The following NELFA variants were observed in gnomAD, a reference collection of about 807,000 sequenced individuals.
NELFA encodes the protein negative elongation factor A.
NELFA carries 35 observed loss-of-function variants against 51.8 expected under a neutral mutation model. The ratio of observed to expected loss-of-function variants is 0.68; its 90% CI spans 0.52 to 0.90. The LOEUF (loss-of-function observed/expected upper bound fraction) is 0.90. Ranked by LOEUF, NELFA falls within the 40% of genes least tolerant of loss-of-function variation. The probability of loss-of-function intolerance (pLI) is 0.00; values close to 1 mark genes in which losing one functional copy is unlikely to be tolerated. For missense variants in NELFA, 658 were observed against 746.4 expected (o/e 0.88, Z 1.38); for synonymous variants, 417 against 338.4 (o/e 1.23, Z -2.55).
At chr4:2,006,768 C>CAAAAAA (rs57055347) in intron 1 of NELFA, among the ~76,000 whole-genome samples, 24 of 79,804 alleles carry the variant, frequency 3.0e-4, no homozygotes, top group African/African-American at 1.2e-3. Context: ...GACGCTGTCT[C>CAAAAAA]AAAAAAAAAA....
At chr4:1,994,999 CAGTT>C (rs1262786439) in intron 1 of NELFA, among the ~76,000 whole-genome samples, 5 of 152,214 alleles carry the variant, frequency 3.3e-5, no homozygotes, top group Non-Finnish European at 7.3e-5. Flanking sequence ...GGCACCTGGA[CAGTT>C]AGTCCCTCAT....
chr4:2,007,058 G>C (rs1183987077), intron 1 of NELFA: 1 of 303,872 alleles, frequency 3.3e-6, no homozygotes, highest in South Asian at 2.6e-5. Flanking sequence ...AGGAGTTCAA[G>C]ACCAGCCTGG....
chr4:1,989,785 AG>A lies in NELFA; in HGVS notation c.466del (p.Leu156SerfsTer5). The part of the protein sequence containing the change: ...KNALTTLAGP[L>X]TPPVKHFQLK... ...CTGAAAATGCTTCACCGGGGGAGTG[AG>A]GGGTCCCGCGAGGGTCGTCAGGGCG... On this transcript the variant is annotated frameshift_variant, in exon 3 of 11. Transcript: ENST00000382882. LOFTEE classifies it high-confidence loss of function. The surrounding 1 kb of genome is among the most constrained non-coding windows in gnomAD (Gnocchi z 4.8). 1 of 1,614,122 alleles carries A rather than the reference AG, an allele frequency of 6.2e-7. No individual in the cohort carries two copies. The highest frequency in any genetic ancestry group is 1.1e-5 in the South Asian group (1 of 91,082).
At chr4:1,990,417 C>T (rs1184099224) in intron 2 of NELFA, 3 of 456,622 alleles carry the variant, frequency 6.6e-6, no homozygotes, top group Non-Finnish European at 1.3e-5. Flanking sequence ...ACGTGCCCCA[C>T]CTGGAGAAAA....
intron 1 of NELFA, among the ~76,000 whole-genome samples, chr4:1,995,758 A>G (rs1203433049): frequency 1.3e-5 from 2 of 152,244 alleles, no homozygotes; most frequent in Non-Finnish European, 2.9e-5. Context: ...AACTATAACA[A>G]CTATACACTT....
chr4:1,983,726 G>A (rs751033621), intron 9 of NELFA, 31 bp from the exon 10 acceptor site: 4 of 1,610,806 alleles, frequency 2.5e-6, no homozygotes, highest in Admixed American at 1.7e-5. Context: ...TGGGTGCCAG[G>A]GCCCCGCCAG....
intron 7 of NELFA, 103 bp downstream of exon 7, chr4:1,985,673 C>T (rs1245574978): frequency 4.8e-6 from 4 of 825,932 alleles, no homozygotes; most frequent in South Asian, 4.7e-5. Flanking sequence ...CACATATGTA[C>T]ATACATATAT....
At chr4:2,002,067 G>T (rs1470852071) in intron 1 of NELFA, among the ~76,000 whole-genome samples, 2 of 151,882 alleles carry the variant, frequency 1.3e-5, no homozygotes, top group Non-Finnish European at 2.9e-5. Flanking sequence ...AGGCATGGTG[G>T]CGGGCGCCTG....
At chr4:1,984,981 A>G in intron 7 of NELFA, 62 bp from the exon 8 acceptor site, 5 of 1,244,990 alleles carry the variant, frequency 4.0e-6, no homozygotes, top group South Asian at 1.4e-5. Context: ...GTGCTAACAC[A>G]TGGCCCGACC....
intron 4 of NELFA, 111 bp from the exon 5 acceptor site, chr4:1,986,513 C>T: frequency 2.0e-6 from 3 of 1,537,862 alleles, no homozygotes; most frequent in Non-Finnish European, 1.8e-6. Flanking sequence ...AGGGGAAGGG[C>T]CAAACCCCTG....
At chr4:2,000,389 A>C (rs1728538509) in intron 1 of NELFA, among the ~76,000 whole-genome samples, 1 of 152,090 alleles carries the variant, frequency 6.6e-6, no homozygotes, top group Non-Finnish European at 1.5e-5. Flanking sequence ...AAATAGACAG[A>C]ATGCTAGCTA....
At chr4:2,008,612 G>A in intron 1 of NELFA, 138 bp downstream of exon 1, 1 of 983,468 alleles carries the variant, frequency 1.0e-6, no homozygotes. Context: ...GGGCGTGAGG[G>A]CGGGCCGGGG....
chr4:1,994,809 T>G (rs372183458), intron 1 of NELFA, among the ~76,000 whole-genome samples: 1 of 144,118 alleles, frequency 6.9e-6, no homozygotes, highest in Non-Finnish European at 1.5e-5. Flanking sequence ...GAGCCGAGAT[T>G]GCGTGCCCCA....
Position 1,986,346 on chromosome 4 carries a change from C to T in NELFA, c.691G>A (p.Val231Ile), listed in dbSNP as rs754655693. ...GTCCGGTTCCCTGTGGGGCTGAAGA[C>T]GCTGGGCGCCGTGGGGCTTCTGAAG... ...APFRSPTAPS[V>I]FSPTGNRTPI... Residue 231 changes from valine to isoleucine, a missense_variant, in exon 5 of 11, where the codon GTC becomes ATC. This residue lies in a region of NELFA where 371 missense variants were observed against 448.3 expected (regional missense o/e 0.83). Coordinates refer to ENST00000382882, the MANE Select transcript of NELFA (RefSeq NM_005663.5). The T allele has an allele frequency of 4.4e-5, 70 of 1,604,554 alleles. No homozygotes were observed. The highest frequency in any genetic ancestry group is 5.4e-5 in the Non-Finnish European group (64 of 1,176,020).
chr4:1,988,136 C>G, intron 3 of NELFA, 129 bp from the exon 4 acceptor site: 1 of 743,788 alleles, frequency 1.3e-6, no homozygotes, highest in Non-Finnish European at 2.1e-6. Context: ...TCTAAATGAG[C>G]AGCTGTTCCG....
intron 2 of NELFA, chr4:1,990,403 G>T (rs778582758): frequency 4.6e-5 from 21 of 456,600 alleles, no homozygotes; most frequent in Middle Eastern, 6.5e-4. Context: ...CACCTGAACT[G>T]GCTACGTGCC....
chr4:1,995,243 C>T (rs1294433479), intron 1 of NELFA, among the ~76,000 whole-genome samples: 3 of 152,218 alleles, frequency 2.0e-5, no homozygotes, highest in Admixed American at 1.3e-4. Context: ...GGTCTTGAGT[C>T]TCAGGGCTTA....
rs776707907 is a variant in NELFA, at chr4:1,985,837, T to C, written c.863A>G (p.Lys288Arg). The change falls in exon 7 of 11, where the codon AAG becomes AGG. Residue 288 changes from lysine to arginine, a missense_variant. Transcript: ENST00000382882. Reference sequence around the variant, plus strand: ...GGCGTTCTCCACCACCGTTTCCTCCTTGGCCGGCTTCTCCACCACCTCCGC... The same window carrying C: ...GGCGTTCTCCACCACCGTTTCCTCCCTGGCCGGCTTCTCCACCACCTCCGC... The part of the protein sequence containing the change: ...LDAEVVEKPA[K>R]EETVVENATP... 14 of 1,613,304 alleles carry C rather than the reference T, an allele frequency of 8.7e-6. No homozygotes were observed. The highest frequency in any genetic ancestry group is 1.0e-5 in the Non-Finnish European group (12 of 1,179,750).
chr4:2,006,768 CAAAAAA>C (rs57055347), intron 1 of NELFA, among the ~76,000 whole-genome samples: 12 of 79,756 alleles, frequency 1.5e-4, no homozygotes, highest in Non-Finnish European at 2.7e-4. Flanking sequence ...GACGCTGTCT[CAAAAAA>C]AAAAAAAAAA....
Sources: allele counts gnomAD v4.1 joint callset (sites outside exome capture counted in the v4.1 genomes callset), GRCh38; gene constraint gnomAD v4.1.1; regional missense constraint gnomAD v4.1.1; non-coding constraint Gnocchi (gnomAD v3.1); transcripts MANE v1.5; gene names NCBI Gene and HGNC (gene_info 2026-07-23, HGNC 2026-07-21).